TRDN: variants seen among roughly 807,000 people sequenced by gnomAD.
TRDN encodes triadin in skeletal muscle.
TRDN carries 161 observed loss-of-function variants against 149.7 expected under a neutral mutation model. The ratio of observed to expected loss-of-function variants is 1.08; its 90% CI spans 0.95 to 1.23. TRDN has a LOEUF of 1.23. Among genes scored for constraint, TRDN ranks in the 50% most tolerant of loss-of-function variants. The pLI is 0.00. For missense variants in TRDN, 896 were observed against 823.5 expected (o/e 1.09, Z -1.08); for synonymous variants, 294 against 250.5 (o/e 1.17, Z -1.64).
Position 123,266,198 on chromosome 6 carries a change from T to C in TRDN, c.1784-860A>G, listed in dbSNP as rs1451364392. 5.2e-5 allele frequency among the ~76,000 whole-genome samples: 4 copies of C among 76,212 alleles called. No individual in the cohort carries two copies. In the Admixed American group the frequency reaches 1.0e-3, roughly 20 times the overall value. 50.0% of individuals were successfully genotyped at this position (76,212 alleles called of 152,430 possible). ...TATATTATATATATTATAATATGTATTATATATTATATATATTATAATATG... is the reference window on the plus strand; with the variant it reads ...TATATTATATATATTATAATATGTACTATATATTATATATATTATAATATG... On this transcript the variant is annotated intron_variant, in intron 32 of 40. Transcript: ENST00000334268.
At chr6:123,498,569 G>C in intron 8 of TRDN, 1 of 471,096 alleles carries the variant, frequency 2.1e-6, no homozygotes, top group Non-Finnish European at 4.4e-6. Context: ...TAGTCCTCAG[G>C]TCATTCCATG....
At chr6:123,482,241 T>C (rs1440214684) in intron 9 of TRDN, among the ~76,000 whole-genome samples, 1 of 152,198 alleles carries the variant, frequency 6.6e-6, no homozygotes, top group East Asian at 1.9e-4. Flanking sequence ...GGTTTTACTT[T>C]AGCAGAAAAT....
intron 1 of TRDN, among the ~76,000 whole-genome samples, chr6:123,588,792 G>A (rs776835114): frequency 1.3e-5 from 2 of 152,142 alleles, no homozygotes; most frequent in Non-Finnish European, 2.9e-5. Context: ...CCAGTCCATA[G>A]CATGTATCTT....
intron 1 of TRDN, among the ~76,000 whole-genome samples, chr6:123,626,661 TG>T (rs1281638828): frequency 3.9e-5 from 6 of 152,122 alleles, no homozygotes; most frequent in African/African-American, 1.4e-4. Flanking sequence ...TTTTACATAA[TG>T]GTGATATTTT....
At chr6:123,614,300 C>A (rs9401689) in intron 1 of TRDN, among the ~76,000 whole-genome samples, 28,663 of 97,186 alleles carry the variant, frequency 0.29, 3,220 homozygotes, top group East Asian at 0.49. Flanking sequence ...AAAAAAAAAA[C>A]AAAAAAAAAA....
chr6:123,497,126 T>C, intron 9 of TRDN, 67 bp downstream of exon 9: 1 of 1,293,438 alleles, frequency 7.7e-7, no homozygotes, highest in Non-Finnish European at 1.0e-6. Context: ...GTTAGGTACA[T>C]AAAAAGCCCA....
intron 12 of TRDN, among the ~76,000 whole-genome samples, chr6:123,426,686 T>C (rs1774132922): frequency 6.6e-6 from 1 of 152,172 alleles, no homozygotes; most frequent in Non-Finnish European, 1.5e-5. Context: ...TTCTGGTGTA[T>C]TTTAGCATTA....
At chr6:123,462,339 C>T (rs1776497481) in intron 10 of TRDN, 1 of 152,168 alleles carries the variant, frequency 6.6e-6, no homozygotes. Context: ...AAGAAGTACA[C>T]AGATACTTCC....
chr6:123,443,326 G>A (rs964909250), intron 10 of TRDN, among the ~76,000 whole-genome samples: 1 of 151,618 alleles, frequency 6.6e-6, no homozygotes, highest in African/African-American at 2.4e-5. Flanking sequence ...TGAGACCATA[G>A]GAGGTGGCTT....
chr6:123,309,933 A>G (rs1191299661), intron 24 of TRDN, among the ~76,000 whole-genome samples: 2 of 152,046 alleles, frequency 1.3e-5, no homozygotes, highest in Admixed American at 6.6e-5. Flanking sequence ...TGCACAGTCA[A>G]GAGAAAGGTA....
intron 12 of TRDN, among the ~76,000 whole-genome samples, chr6:123,428,775 G>C (rs1774222672): frequency 6.6e-6 from 1 of 152,080 alleles, no homozygotes; most frequent in Non-Finnish European, 1.5e-5. Context: ...CTTCTGCCTT[G>C]ATTTTTGCGT....
intron 38 of TRDN, among the ~76,000 whole-genome samples, chr6:123,237,132 A>G (rs977970193): frequency 1.2e-4 from 16 of 137,012 alleles, no homozygotes; most frequent in Non-Finnish European, 1.8e-4. Context: ...TGATTTATAC[A>G]TAATTTATAC....
intron 21 of TRDN, chr6:123,350,416 T>C (rs1780417210): frequency 1.6e-6 from 1 of 644,392 alleles, no homozygotes; most frequent in South Asian, 7.1e-5. Flanking sequence ...TCCACATGTT[T>C]AAACAAATAA....
chr6:123,345,120 A>G (rs1232861552), intron 21 of TRDN, among the ~76,000 whole-genome samples: 1 of 151,890 alleles, frequency 6.6e-6, no homozygotes, highest in African/African-American at 2.4e-5. Context: ...TAATTGTCAA[A>G]CCCAAGGACA....
intron 10 of TRDN, chr6:123,464,594 G>A (rs571947281): frequency 1.6e-4 from 166 of 1,047,206 alleles, no homozygotes; most frequent in Admixed American, 3.6e-4. Flanking sequence ...ATCAAGTTGT[G>A]GTAAAACTCC....
At chr6:123,242,991 C>T (rs140201371) in intron 38 of TRDN, among the ~76,000 whole-genome samples, 53 of 152,284 alleles carry the variant, frequency 3.5e-4, no homozygotes, top group African/African-American at 1.2e-3. Flanking sequence ...GTGTCCTGCC[C>T]TGGAGTCAAT....
intron 6 of TRDN, 92 bp downstream of exon 6, chr6:123,516,049 A>T: frequency 8.2e-7 from 1 of 1,223,376 alleles, no homozygotes; most frequent in Non-Finnish European, 1.0e-6. Context: ...AATTTGTAAA[A>T]CTGCGTGGTC....
intron 38 of TRDN, among the ~76,000 whole-genome samples, chr6:123,241,587 T>A: frequency 6.6e-6 from 1 of 150,920 alleles, no homozygotes; most frequent in Middle Eastern, 3.5e-3. Context: ...ATATTAAAAG[T>A]TAGAAAGCTT....
intron 14 of TRDN, among the ~76,000 whole-genome samples, chr6:123,386,210 TA>T (rs1160483463): frequency 6.6e-6 from 1 of 151,990 alleles, no homozygotes; most frequent in Admixed American, 6.6e-5. Flanking sequence ...TGGCAAGAAA[TA>T]AATAATAGTA....
Sources: allele counts gnomAD v4.1 joint callset (sites outside exome capture counted in the v4.1 genomes callset), GRCh38; gene constraint gnomAD v4.1.1; transcripts MANE v1.5; gene names NCBI Gene and HGNC (gene_info 2026-07-23, HGNC 2026-07-21).